Variants in ARHGAP25 observed in about 807,000 individuals in gnomAD.
The protein encoded by ARHGAP25 is Rho GTPase activating protein 25, also known as rho GTPase-activating protein 25.
ARHGAP25 carries 34 observed loss-of-function variants against 71.0 expected under a neutral mutation model. The ratio of observed to expected loss-of-function variants is 0.48; its 90% CI spans 0.36 to 0.64. The LOEUF (loss-of-function observed/expected upper bound fraction) is 0.64. ARHGAP25 is among the 30% of genes least tolerant of loss of function. The pLI is 0.00. For missense variants in ARHGAP25, 706 were observed against 805.1 expected (o/e 0.88, Z 1.49); for synonymous variants, 282 against 296.5 (o/e 0.95, Z 0.50).
At chr2:68,730,151 A>G (rs1032423930), upstream of ARHGAP25, among the ~76,000 whole-genome samples, 1 of 152,236 alleles carries the variant, frequency 6.6e-6, no homozygotes, top group Non-Finnish European at 1.5e-5. Context: ...TAAAAAATTT[A>G]CAATACATGC....
At chr2:68,822,958 C>T in intron 10 of ARHGAP25, 86 bp downstream of exon 10, 4 of 1,360,606 alleles carry the variant, frequency 2.9e-6, no homozygotes, top group Non-Finnish European at 4.0e-6. Flanking sequence ...AGAGAAGTCA[C>T]ATCATAAAGC....
chr2:68,756,267 TG>T (rs2104329761), intron 1 of ARHGAP25, among the ~76,000 whole-genome samples: 1 of 152,300 alleles, frequency 6.6e-6, no homozygotes, highest in South Asian at 2.1e-4. Context: ...AGGGGCCGAA[TG>T]GGAAAAAATG....
intron 4 of ARHGAP25, among the ~76,000 whole-genome samples, chr2:68,795,393 G>A (rs1679468546): frequency 6.6e-6 from 1 of 152,090 alleles, no homozygotes; most frequent in South Asian, 2.1e-4. Context: ...ACTTTTTGAT[G>A]TAGGCATTTA....
At chr2:68,723,202 CA>C (rs1674805121) in intron 2 of ARHGAP25, among the ~76,000 whole-genome samples, 1 of 152,202 alleles carries the variant, frequency 6.6e-6, no homozygotes, top group African/African-American at 2.4e-5. Flanking sequence ...CAGCACATGA[CA>C]AAGGGAGTTA....
chr2:68,779,889 A>T (rs191224529), intron 2 of ARHGAP25, among the ~76,000 whole-genome samples: 1 of 152,316 alleles, frequency 6.6e-6, no homozygotes, highest in Admixed American at 6.5e-5. Flanking sequence ...CAAGCCTCTC[A>T]TGCTGAGCTT....
intron 6 of ARHGAP25, 70 bp downstream of exon 6, chr2:68,813,489 G>A (rs1418214468): frequency 5.2e-6 from 8 of 1,537,642 alleles, no homozygotes; most frequent in South Asian, 1.2e-5. Flanking sequence ...TAATCCAGTA[G>A]GCAACAGTGG....
intron 1 of ARHGAP25, among the ~76,000 whole-genome samples, chr2:68,760,777 A>T (rs1558619435): frequency 1.3e-5 from 2 of 151,808 alleles, no homozygotes; most frequent in South Asian, 4.1e-4. Context: ...ATTTAATGCA[A>T]TTCCTATCAA....
chr2:68,812,359 G>GC (rs1392125432), intron 5 of ARHGAP25, among the ~76,000 whole-genome samples: 4 of 152,192 alleles, frequency 2.6e-5, no homozygotes, highest in Non-Finnish European at 4.4e-5. Flanking sequence ...TTGGCTCCTG[G>GC]CCCGTGGCTT....
At chr2:68,713,652 T>C (rs1001758701) in intron 2 of ARHGAP25, among the ~76,000 whole-genome samples, 27 of 152,226 alleles carry the variant, frequency 1.8e-4, no homozygotes, top group African/African-American at 6.3e-4. Context: ...ATAGCTCTTA[T>C]TATTTTGAGA....
chr2:68,775,530 C>T lies in ARHGAP25; in HGVS notation c.261+110C>T, dbSNP rs1046253314. ...GGCCTTCTCAATAGGACCAGACACA[C>T]CCATTGGAAAGGAAATTGCTTTTCC... On this transcript the variant is annotated intron_variant, in intron 2 of 10. Transcript: ENST00000409202. 18 of 1,519,508 alleles carry T rather than the reference C, an allele frequency of 1.2e-5. No homozygotes were observed. In the African/African-American group the frequency reaches 2.0e-4, roughly 17 times the overall value. The allele number at this position is 1,519,508 out of a possible 1,614,324, so 94.1% of individuals were successfully genotyped here.
chr2:68,756,360 G>A (rs1428810973), intron 1 of ARHGAP25, among the ~76,000 whole-genome samples: 2 of 152,156 alleles, frequency 1.3e-5, no homozygotes, highest in East Asian at 3.9e-4. Context: ...ACAAAGAAAT[G>A]GCAACCATGT....
At chr2:68,761,440 T>TA (rs111513449) in intron 1 of ARHGAP25, among the ~76,000 whole-genome samples, 5,708 of 150,992 alleles carry the variant, frequency 0.038, 383 homozygotes, top group African/African-American at 0.13. Flanking sequence ...ACCAACAGAG[T>TA]AAAAAATCAA....
intron 9 of ARHGAP25, among the ~76,000 whole-genome samples, chr2:68,820,444 C>T (rs1195360525): frequency 6.6e-6 from 1 of 152,168 alleles, no homozygotes; most frequent in Non-Finnish European, 1.5e-5. Flanking sequence ...AGATCCAGTC[C>T]TCCCTTCAGA....
intron 3 of ARHGAP25, among the ~76,000 whole-genome samples, chr2:68,785,434 T>C (rs142160598): frequency 8.0e-4 from 122 of 152,218 alleles, no homozygotes; most frequent in Non-Finnish European, 1.3e-3. Flanking sequence ...CATTTGCTAA[T>C]GAATTGGATG....
upstream of ARHGAP25, among the ~76,000 whole-genome samples, chr2:68,732,965 G>C (rs1675064098): frequency 6.6e-6 from 1 of 152,200 alleles, no homozygotes. Context: ...GGAGTTCAGG[G>C]GGTCTGGGCT....
In ARHGAP25 at chr2:68,822,343, A is replaced by G. The variant is rs1366233127; in HGVS notation, c.1204A>G (p.Ser402Gly). The G allele has an allele frequency of 1.2e-6, 2 of 1,604,132 alleles. No homozygotes were observed. The highest frequency in any genetic ancestry group is 8.5e-7 in the Non-Finnish European group (1 of 1,172,200). ...TCCATGGCCATTTCTTTTCTAGACA[A>G]GCGACTCTGATACAACCAGCCCCAC... ...SRTDSFSSMT[S>G]DSDTTSPTGQ... is the part of the protein sequence containing the mutation. The change falls in exon 10 of 11, where the codon AGC (serine) becomes GGC (glycine). Residue 402 changes from serine (S) to glycine (G), a missense_variant. Transcript: ENST00000409202.
chr2:68,741,023 G>T (rs982573423), intron 1 of ARHGAP25, among the ~76,000 whole-genome samples: 1 of 152,222 alleles, frequency 6.6e-6, no homozygotes, highest in Non-Finnish European at 1.5e-5. Flanking sequence ...CATATGCTGA[G>T]AGGAAGAAAA....
intron 1 of ARHGAP25, among the ~76,000 whole-genome samples, chr2:68,762,780 A>G (rs913266682): frequency 2.6e-5 from 4 of 152,198 alleles, no homozygotes; most frequent in African/African-American, 9.6e-5. Context: ...AAGAAATGTC[A>G]AGCAGAGGCT....
chr2:68,825,246 A>G (rs1403470968), intron 10 of ARHGAP25, among the ~76,000 whole-genome samples: 3 of 152,186 alleles, frequency 2.0e-5, no homozygotes, highest in Non-Finnish European at 4.4e-5. Context: ...GTGCTGATCT[A>G]TGCTCTCCAT....
Sources: allele counts gnomAD v4.1 joint callset (sites outside exome capture counted in the v4.1 genomes callset), GRCh38; gene constraint gnomAD v4.1.1; transcripts MANE v1.5; gene names NCBI Gene and HGNC (gene_info 2026-07-23, HGNC 2026-07-21).